Variants in NR2F1-AS1 observed in about 807,000 individuals in gnomAD.
NR2F1-AS1 encodes the protein NR2F1 regulatory antisense RNA 1, also known as NR2F1 antisense RNA 1.
chr5:93,522,776 C>T (rs1371635661), intron 4 of NR2F1-AS1, among the ~76,000 whole-genome samples: 1 of 151,764 alleles, frequency 6.6e-6, no homozygotes. Flanking sequence ...CAAGGGAAGC[C>T]ATGAGAGACT....
intron 4 of NR2F1-AS1, among the ~76,000 whole-genome samples, chr5:93,484,680 C>T (rs1750678103): frequency 6.6e-6 from 1 of 151,036 alleles, no homozygotes; most frequent in African/African-American, 2.4e-5. Context: ...AGTCAAGACC[C>T]ATCAATGTGC....
At chr5:93,481,964 A>T (rs1366804691) in intron 4 of NR2F1-AS1, among the ~76,000 whole-genome samples, 1 of 152,102 alleles carries the variant, frequency 6.6e-6, no homozygotes, top group Admixed American at 6.5e-5. Context: ...ATAAATCTCA[A>T]ATTAACAACC....
intron 4 of NR2F1-AS1, among the ~76,000 whole-genome samples, chr5:93,472,272 T>C (rs942920109): frequency 6.6e-6 from 1 of 151,854 alleles, no homozygotes; most frequent in Non-Finnish European, 1.5e-5. Flanking sequence ...TAAATAATTT[T>C]GAAAAGACAA....
intron 4 of NR2F1-AS1, among the ~76,000 whole-genome samples, chr5:93,432,186 A>G (rs1325460508): frequency 6.6e-6 from 1 of 152,188 alleles, no homozygotes; most frequent in African/African-American, 2.4e-5. Flanking sequence ...CTAGTCCATT[A>G]TAAGAATAAA....
At chr5:93,478,923 G>A (rs747557485) in intron 4 of NR2F1-AS1, among the ~76,000 whole-genome samples, 1 of 152,106 alleles carries the variant, frequency 6.6e-6, no homozygotes, top group Non-Finnish European at 1.5e-5. Context: ...AAGAATGAAC[G>A]TGGAGGAAAG....
chr5:93,495,255 T>C (rs940010868), intron 4 of NR2F1-AS1, among the ~76,000 whole-genome samples: 12 of 152,296 alleles, frequency 7.9e-5, no homozygotes, highest in African/African-American at 2.9e-4. Flanking sequence ...TATTTTAGTC[T>C]CTTGGGTTTA....
In NR2F1-AS1 at chr5:93,579,598, GCC is replaced by G. The variant is rs1366453888; in HGVS notation, n.313+867_313+868del. 6.7e-6 allele frequency among the ~76,000 whole-genome samples: 1 copy of G among 149,772 alleles called. No individual in the cohort carries two copies. The highest frequency in any genetic ancestry group is 1.5e-5 in the Non-Finnish European group (1 of 67,426). On this transcript the variant is annotated intron_variant and non_coding_transcript_variant, in intron 1 of 5. Transcript: ENST00000660523. This position sits in a 1 kb window ranked among gnomAD's most constrained non-coding sequence, Gnocchi z 5.1. The stretch of plus-strand genomic sequence containing the variant: ...GCCTCCTCGCTTCCGAGACCCCCCA[GCC>G]CCCGGGTGCAGTCCCCAGCATCGGC...
chr5:93,437,855 G>T (rs1291657840), intron 4 of NR2F1-AS1, among the ~76,000 whole-genome samples: 3 of 151,996 alleles, frequency 2.0e-5, no homozygotes, highest in Non-Finnish European at 4.4e-5. Flanking sequence ...CTTCAAAACA[G>T]CTTATTATCT....
At chr5:93,483,713 G>C (rs552096124) in intron 4 of NR2F1-AS1, among the ~76,000 whole-genome samples, 1 of 152,296 alleles carries the variant, frequency 6.6e-6, no homozygotes, top group Admixed American at 6.5e-5. Flanking sequence ...AAAAAGGTTA[G>C]ACGAATTGCT....
intron 4 of NR2F1-AS1, among the ~76,000 whole-genome samples, chr5:93,512,708 A>C (rs1005401616): frequency 1.1e-4 from 17 of 152,196 alleles, no homozygotes; most frequent in African/African-American, 3.9e-4. Flanking sequence ...TTTTTATCGT[A>C]GTTTTTCTAT....
chr5:93,566,268 T>G (rs1472398356), intron 1 of NR2F1-AS1, among the ~76,000 whole-genome samples: 2 of 152,108 alleles, frequency 1.3e-5, no homozygotes, highest in Middle Eastern at 3.4e-3. Flanking sequence ...CAGATGTTCC[T>G]TTTTCCTTTC....
chr5:93,466,973 T>A (rs1750252054), intron 4 of NR2F1-AS1, among the ~76,000 whole-genome samples: 1 of 136,888 alleles, frequency 7.3e-6, no homozygotes, highest in African/African-American at 2.7e-5. Flanking sequence ...CAATCTCAGC[T>A]CTCTGCAAAC....
chr5:93,469,849 A>T (rs1323492025), intron 4 of NR2F1-AS1, among the ~76,000 whole-genome samples: 1 of 152,068 alleles, frequency 6.6e-6, no homozygotes, highest in Non-Finnish European at 1.5e-5. Flanking sequence ...GACTATAGAT[A>T]TTTGACTCTC....
upstream of NR2F1-AS1, among the ~76,000 whole-genome samples, chr5:93,581,729 T>TCTCTCCCCCC (rs1753055001): frequency 2.8e-5 from 1 of 35,532 alleles, no homozygotes; most frequent in Non-Finnish European, 4.9e-5. Context: ...TCTCTCTCTC[T>TCTCTCCCCCC]CTCTCCCCCT....
intron 4 of NR2F1-AS1, chr5:93,432,599 T>C (rs1182829056): frequency 6.6e-6 from 1 of 152,174 alleles, no homozygotes; most frequent in Admixed American, 6.5e-5. Flanking sequence ...TCTTACCATA[T>C]CTCAGAGAGT....
chr5:93,561,325 C>T (rs1380671401), intron 2 of NR2F1-AS1, among the ~76,000 whole-genome samples: 2 of 152,178 alleles, frequency 1.3e-5, no homozygotes, highest in African/African-American at 2.4e-5. Flanking sequence ...CAACCCACTT[C>T]TCCTTGTGCA....
chr5:93,491,612 C>A (rs1289857206), intron 4 of NR2F1-AS1, among the ~76,000 whole-genome samples: 1 of 152,066 alleles, frequency 6.6e-6, no homozygotes, highest in Non-Finnish European at 1.5e-5. Flanking sequence ...AGAAGATCTG[C>A]CCTAATCAAT....
intron 4 of NR2F1-AS1, among the ~76,000 whole-genome samples, chr5:93,421,669 C>G (rs1264199074): frequency 4.6e-5 from 7 of 152,184 alleles, no homozygotes; most frequent in Non-Finnish European, 8.8e-5. Flanking sequence ...TCCTGCAAGT[C>G]AAGCTCCTCC....
In NR2F1-AS1 at chr5:93,472,049, C is replaced by A. The variant is rs1421009982; in HGVS notation, n.639-76507G>T. The stretch of plus-strand genomic sequence containing the variant: ...AGTACTATACAGTATGTATTATTAT[C>A]CATTTTCAGAGGAGGGAACTGAAGC... On this transcript the variant is annotated intron_variant and non_coding_transcript_variant, in intron 4 of 5. Coordinates refer to ENST00000660523, the Ensembl canonical transcript of NR2F1-AS1. Among the ~76,000 whole-genome samples the A allele has an allele frequency of 5.3e-5, 8 of 151,688 alleles. No homozygotes were observed. In the East Asian group the frequency reaches 1.3e-3, roughly 26 times the overall value.
Sources: allele counts gnomAD v4.1 joint callset (sites outside exome capture counted in the v4.1 genomes callset), GRCh38; gene constraint gnomAD v4.1.1; non-coding constraint Gnocchi (gnomAD v3.1); transcripts MANE v1.5; gene names NCBI Gene and HGNC (gene_info 2026-07-23, HGNC 2026-07-21).